HOMER2: variants seen among roughly 807,000 people sequenced by gnomAD.
The protein encoded by HOMER2 is homer scaffold protein 2.
Under a neutral mutation model 47.0 loss-of-function variants are expected in HOMER2, and 27 were observed. That is an observed-to-expected ratio of 0.57 (90% CI 0.42 to 0.79). HOMER2 has a LOEUF of 0.79. Among genes scored for constraint, HOMER2 ranks in the 30% least tolerant of loss-of-function variants. The probability of loss-of-function intolerance (pLI) is 0.00; values close to 1 mark genes in which losing one functional copy is unlikely to be tolerated. For synonymous variants in HOMER2, 161 were observed against 163.8 expected, an observed-to-expected ratio of 0.98 and a Z score of 0.13; for missense variants, 443 against 435.0, an observed-to-expected ratio of 1.02 and a Z score of -0.16.
At chr15:82,945,731 G>A (rs1376289319) in intron 1 of HOMER2, among the ~76,000 whole-genome samples, 2 of 152,124 alleles carry the variant, frequency 1.3e-5, no homozygotes, top group African/African-American at 2.4e-5. Flanking sequence ...AACATTTTGG[G>A]AGGCCAAGGC....
At chr15:82,923,201 T>C (rs1312003538) in intron 1 of HOMER2, among the ~76,000 whole-genome samples, 1 of 152,054 alleles carries the variant, frequency 6.6e-6, no homozygotes, top group Non-Finnish European at 1.5e-5. Flanking sequence ...AAAGAGGTGC[T>C]TGGGCCAGGC....
chr15:82,872,321 C>T (rs2052203151), intron 3 of HOMER2, among the ~76,000 whole-genome samples: 1 of 152,178 alleles, frequency 6.6e-6, no homozygotes, highest in African/African-American at 2.4e-5. Context: ...CAGAAAACGG[C>T]CTCACCACCC....
chr15:82,937,781 T>G (rs1292925622), intron 1 of HOMER2, among the ~76,000 whole-genome samples: 2 of 152,156 alleles, frequency 1.3e-5, no homozygotes, highest in Non-Finnish European at 2.9e-5. Flanking sequence ...GGCAAAGCAC[T>G]CCGAGTCCGA....
intron 1 of HOMER2, among the ~76,000 whole-genome samples, chr15:82,931,609 C>T (rs2054013006): frequency 6.6e-6 from 1 of 151,000 alleles, no homozygotes; most frequent in South Asian, 2.1e-4. Context: ...GAGGCCGAGG[C>T]AGGCAGATCA....
chr15:82,914,493 T>C (rs906541585), intron 1 of HOMER2, among the ~76,000 whole-genome samples: 2 of 152,062 alleles, frequency 1.3e-5, no homozygotes, highest in Non-Finnish European at 2.9e-5. Flanking sequence ...AGTCCACTTA[T>C]ATGAATCAAA....
chr15:82,847,137 G>C (rs183660054), downstream of HOMER2: 1 of 152,338 alleles, frequency 6.6e-6, no homozygotes, highest in African/African-American at 2.4e-5. Flanking sequence ...CATTCTGCCT[G>C]AGTCTGGCGT....
At chr15:82,903,636 G>A (rs2053199523) in intron 1 of HOMER2, among the ~76,000 whole-genome samples, 1 of 149,818 alleles carries the variant, frequency 6.7e-6, no homozygotes, top group Admixed American at 6.7e-5. Flanking sequence ...ACACACACAC[G>A]GCAACAAGAG....
chr15:82,893,970 C>T (rs1005048408), intron 1 of HOMER2, among the ~76,000 whole-genome samples: 2 of 152,184 alleles, frequency 1.3e-5, no homozygotes, highest in East Asian at 1.9e-4. Flanking sequence ...TATTTTTTAT[C>T]TCTGTATCTC....
chr15:82,928,177 T>C (rs2053904286), intron 1 of HOMER2, among the ~76,000 whole-genome samples: 1 of 152,182 alleles, frequency 6.6e-6, no homozygotes, highest in Non-Finnish European at 1.5e-5. Context: ...AAATCTATTG[T>C]GTGCAAGGGT....
At chr15:82,911,449 GA>G (rs1204356233) in intron 1 of HOMER2, among the ~76,000 whole-genome samples, 1 of 151,644 alleles carries the variant, frequency 6.6e-6, no homozygotes, top group Non-Finnish European at 1.5e-5. Flanking sequence ...AGGTTTAGGG[GA>G]AAAAAAGCTG....
At chr15:82,890,874 T>A (rs2052682529) in intron 2 of HOMER2, among the ~76,000 whole-genome samples, 1 of 152,060 alleles carries the variant, frequency 6.6e-6, no homozygotes, top group South Asian at 2.1e-4. Flanking sequence ...TCCAGGCAAT[T>A]CCAGCGCAGA....
upstream of HOMER2, among the ~76,000 whole-genome samples, chr15:82,954,521 C>T (rs988659493): frequency 6.6e-6 from 1 of 150,802 alleles, no homozygotes; most frequent in Non-Finnish European, 1.5e-5. Flanking sequence ...GATCTCCTGA[C>T]CTCGTGATCC....
chr15:82,853,041 C>A (rs988511721), intron 6 of HOMER2, among the ~76,000 whole-genome samples: 5 of 152,218 alleles, frequency 3.3e-5, no homozygotes, highest in African/African-American at 1.2e-4. Context: ...TGAAGTCCCC[C>A]CGAACAGGCA....
chr15:82,878,524 G>A (rs1200757774), intron 2 of HOMER2, among the ~76,000 whole-genome samples: 1 of 152,192 alleles, frequency 6.6e-6, no homozygotes, highest in Non-Finnish European at 1.5e-5. Context: ...TAAATCTGTA[G>A]ACTCATCAGT....
intron 1 of HOMER2, among the ~76,000 whole-genome samples, chr15:82,971,988 T>C (rs2030005606): frequency 6.6e-6 from 1 of 152,220 alleles, no homozygotes; most frequent in African/African-American, 2.4e-5. Context: ...ACCAAGTGCT[T>C]CAAGGTTGTA....
chr15:82,839,334 A>G (rs2051154347), exon 2 of HOMER2: 1 of 152,242 alleles, frequency 6.6e-6, no homozygotes, highest in African/African-American at 2.4e-5. Context: ...CAAGAACCAG[A>G]AACATTGGCA....
At position 82,849,810 on chromosome 15, in the gene HOMER2, C is replaced by A. The variant is rs771223261; in HGVS notation, c.937G>T (p.Val313Leu). Residue 313 changes from valine (V) to leucine (L), a missense_variant, in exon 9 of 9, where the codon GTG becomes TTG. Physicochemically the swap from Val to Leu is conservative, Grantham distance 32 (BLOSUM62 1). Coordinates refer to ENST00000450735, the MANE Select transcript of HOMER2 (RefSeq NM_004839.4). ...ACCTCCAGGAAGCTCTTCAACTCCACCTTCAGGTGGCGCTGTCGGTATTTG... is the reference window on the plus strand; with the variant it reads ...ACCTCCAGGAAGCTCTTCAACTCCAACTTCAGGTGGCGCTGTCGGTATTTG... Reference protein sequence around the residue: ...ESKYRQRHLKVELKSFLEVLD... With the variant: ...ESKYRQRHLKLELKSFLEVLD... 6.2e-7 allele frequency: 1 copy of A among 1,614,014 alleles called. No homozygotes were observed. Among genetic ancestry groups the A allele is most frequent in the Admixed American group, 1.7e-5 (1 of 60,020 alleles).
intron 1 of HOMER2, among the ~76,000 whole-genome samples, chr15:82,899,262 G>A (rs1027617494): frequency 2.6e-5 from 4 of 152,210 alleles, no homozygotes; most frequent in East Asian, 3.8e-4. Context: ...ATACATCCTC[G>A]CTTCACTGTC....
At chr15:82,984,297 G>C (rs1419707458) in intron 1 of HOMER2, among the ~76,000 whole-genome samples, 1 of 152,076 alleles carries the variant, frequency 6.6e-6, no homozygotes, top group Non-Finnish European at 1.5e-5. Context: ...CTCCCAAAGT[G>C]CTGGGATTAC....
Sources: gnomAD v4.1 joint callset for allele counts (sites outside exome capture counted in the v4.1 genomes callset) on GRCh38, gnomAD v4.1.1 for gene constraint, MANE v1.5 for transcripts, NCBI Gene and HGNC (gene_info 2026-07-23, HGNC 2026-07-21) for gene names.